The following SAMD12 variants were observed in gnomAD, a reference collection of about 807,000 sequenced individuals.
The protein encoded by SAMD12 is sterile alpha motif domain containing 12.
A neutral mutation model predicts 15.0 loss-of-function variants in SAMD12; 9 were observed. That is an observed-to-expected ratio of 0.60 (90% CI 0.36 to 1.05). The LOEUF (loss-of-function observed/expected upper bound fraction) is 1.05. Ranked by LOEUF, SAMD12 falls within the 50% of genes least tolerant of loss-of-function variation. The pLI is 0.01. For synonymous variants in SAMD12, 86 were observed against 90.1 expected (o/e 0.96, Z 0.25); for missense variants, 230 against 234.2 (o/e 0.98, Z 0.12).
the SAMD12 span, among the ~76,000 whole-genome samples, chr8:118,144,705 G>GAAGATGAGGGAAAAC: frequency 6.6e-6 from 1 of 152,036 alleles, no homozygotes; most frequent in South Asian, 2.1e-4. Context: ...AGAGGGAAAA[G>GAAGATGAGGGAAAAC]AAGATAAGGG....
chr8:118,219,928 C>A (rs971314560), intron 4 of SAMD12, among the ~76,000 whole-genome samples: 10 of 152,180 alleles, frequency 6.6e-5, no homozygotes, highest in Admixed American at 1.3e-4. Context: ...TTATGTTAAG[C>A]CACTAAGTTT....
At chr8:118,397,622 C>T (rs1248247933) in intron 3 of SAMD12, among the ~76,000 whole-genome samples, 1 of 152,092 alleles carries the variant, frequency 6.6e-6, no homozygotes, top group Non-Finnish European at 1.5e-5. Context: ...GAACCATAAA[C>T]CTTTCACATC....
chr8:118,335,894 C>T (rs1586553092), intron 4 of SAMD12, among the ~76,000 whole-genome samples: 1 of 152,078 alleles, frequency 6.6e-6, no homozygotes. Flanking sequence ...ACACCACTAG[C>T]CCTCTAAGTT....
At chr8:118,414,011 G>T (rs1046158059) in intron 3 of SAMD12, among the ~76,000 whole-genome samples, 49 of 152,246 alleles carry the variant, frequency 3.2e-4, no homozygotes, top group African/African-American at 1.2e-3. Flanking sequence ...TTAAACAATT[G>T]CTGTCAGGCT....
At chr8:118,559,231 CCAGATTAAGA>C (rs1263899359) in intron 2 of SAMD12, among the ~76,000 whole-genome samples, 1 of 152,224 alleles carries the variant, frequency 6.6e-6, no homozygotes, top group African/African-American at 2.4e-5. Context: ...TACCTAGAAC[CCAGATTAAGA>C]CAGATAAAGT....
chr8:118,428,327 AGG>A (rs1217075363), intron 3 of SAMD12, among the ~76,000 whole-genome samples: 8 of 152,104 alleles, frequency 5.3e-5, no homozygotes, highest in Admixed American at 3.3e-4. Flanking sequence ...GCTACATGTG[AGG>A]TTGGGGCCAT....
chr8:118,296,398 C>A (rs1056103720), intron 4 of SAMD12, among the ~76,000 whole-genome samples: 1 of 152,214 alleles, frequency 6.6e-6, no homozygotes, highest in Non-Finnish European at 1.5e-5. Context: ...AAAAGGAAGC[C>A]TTTCTTGATC....
chr8:118,292,348 A>C (rs1479650329), intron 4 of SAMD12, among the ~76,000 whole-genome samples: 3 of 140,784 alleles, frequency 2.1e-5, no homozygotes, highest in Non-Finnish European at 4.5e-5. Context: ...GCAAACACAC[A>C]GACACACACA....
intron 4 of SAMD12, among the ~76,000 whole-genome samples, chr8:118,203,044 C>A (rs1406317955): frequency 6.6e-6 from 1 of 152,172 alleles, no homozygotes; most frequent in African/African-American, 2.4e-5. Flanking sequence ...GCTGGCACAG[C>A]CACAGTGCTA....
chr8:118,481,392 T>G (rs1824123251), intron 2 of SAMD12, among the ~76,000 whole-genome samples: 1 of 152,190 alleles, frequency 6.6e-6, no homozygotes, highest in Non-Finnish European at 1.5e-5. Context: ...TAGTAGGAGC[T>G]AAAACAATAT....
chr8:118,338,295 G>A (rs1348547654), intron 4 of SAMD12, among the ~76,000 whole-genome samples: 1 of 152,212 alleles, frequency 6.6e-6, no homozygotes, highest in Non-Finnish European at 1.5e-5. Context: ...GATCTCTTCA[G>A]CTAGAACTGG....
At chr8:118,447,819 G>A (rs373740501) in intron 2 of SAMD12, among the ~76,000 whole-genome samples, 10 of 151,308 alleles carry the variant, frequency 6.6e-5, no homozygotes, top group Non-Finnish European at 1.2e-4. Context: ...TCCGCCTCCC[G>A]GGTTCACACC....
intron 4 of SAMD12, among the ~76,000 whole-genome samples, chr8:118,304,211 T>C (rs1221347270): frequency 6.6e-6 from 1 of 152,208 alleles, no homozygotes; most frequent in Non-Finnish European, 1.5e-5. Context: ...TCACACTAAG[T>C]TATGCTTATG....
At position 118,402,688 on chromosome 8, in the gene SAMD12, G is replaced by A. The variant is rs368987218; in HGVS notation, c.323-22988C>T. ...ATAAATATTCTCCTGTGTGTGTTGG[G>A]AGAAAGCAAGGGAGGAGATATGGCA... is the stretch of plus-strand genomic sequence containing the variant. On this transcript the variant is annotated intron_variant, in intron 3 of 3. Transcript: ENST00000314727. 1.2e-3 allele frequency among the ~76,000 whole-genome samples: 178 copies of A among 152,266 alleles called. 6 individuals are homozygous for A. The South Asian group carries it at 0.036, about 31-fold the overall frequency.
intron 2 of SAMD12, among the ~76,000 whole-genome samples, chr8:118,561,766 C>T (rs549875482): frequency 6.6e-6 from 1 of 152,260 alleles, no homozygotes; most frequent in Non-Finnish European, 1.5e-5. Context: ...GATGCAGACA[C>T]TGCCAAATCA....
rs182359247 is a variant in SAMD12 at position 118,420,560 on chromosome 8, C to T, written c.322+19272G>A. ...TTTTAGTGGAAGAGAGAGAACTATGCCACCCCTTTAAGGTATGATGCCATT... is the reference window on the plus strand; with the variant it reads ...TTTTAGTGGAAGAGAGAGAACTATGTCACCCCTTTAAGGTATGATGCCATT... On this transcript the variant is annotated intron_variant, in intron 3 of 3. Transcript: ENST00000314727. 1.1e-3 allele frequency among the ~76,000 whole-genome samples: 162 copies of T among 152,112 alleles called. 1 individual carries two copies. The highest frequency in any genetic ancestry group is 2.2e-3 in the Non-Finnish European group (147 of 68,024).
intron 4 of SAMD12, among the ~76,000 whole-genome samples, chr8:118,272,107 G>C (rs10092222): frequency 0.42 from 63,924 of 152,100 alleles, 16,159 homozygotes; most frequent in African/African-American, 0.71. Flanking sequence ...GTCTCTGCCC[G>C]TGGAGCAAAC....
chr8:118,618,691 T>A (rs1828310465), intron 1 of SAMD12, among the ~76,000 whole-genome samples: 1 of 151,682 alleles, frequency 6.6e-6, no homozygotes, highest in Admixed American at 6.6e-5. Context: ...TACAAAAAAA[T>A]CAGCCGGGCG....
At chr8:118,392,121 C>T (rs143082730) in intron 3 of SAMD12, among the ~76,000 whole-genome samples, 14 of 152,258 alleles carry the variant, frequency 9.2e-5, no homozygotes, top group African/African-American at 1.4e-4. Flanking sequence ...CTACTCACAG[C>T]GGTAAGCACA....
Sources: allele counts gnomAD v4.1 joint callset (sites outside exome capture counted in the v4.1 genomes callset), GRCh38; gene constraint gnomAD v4.1.1; transcripts MANE v1.5; gene names NCBI Gene and HGNC (gene_info 2026-07-23, HGNC 2026-07-21).